The following ATP2B1 variants were observed in gnomAD, a reference collection of about 807,000 sequenced individuals.
The protein encoded by ATP2B1 is plasma membrane calcium-transporting ATPase 1.
A neutral mutation model predicts 124.2 loss-of-function variants in ATP2B1; 14 were observed. The observed-to-expected ratio is 0.11, with a 90% confidence interval of 0.07 to 0.18. The LOEUF (loss-of-function observed/expected upper bound fraction) is 0.18, where lower values mean the gene tolerates loss of function less well. Ranked by LOEUF, ATP2B1 falls within the 10% of genes least tolerant of loss-of-function variation. The pLI is 1.00. For synonymous variants in ATP2B1, 449 were observed against 492.4 expected (o/e 0.91, Z 1.17); for missense variants, 763 against 1,466.1 (o/e 0.52, Z 7.83).
At chr12:89,669,655 A>G (rs566376350) in intron 1 of ATP2B1, among the ~76,000 whole-genome samples, 1 of 152,214 alleles carries the variant, frequency 6.6e-6, no homozygotes, top group African/African-American at 2.4e-5. Context: ...AGGGCCTGGC[A>G]CTTAATAAAA....
In ATP2B1 at chr12:89,624,534, T is replaced by C. The variant is rs569021727; in HGVS notation, c.1130-137A>G. ...ATTTCTCTGAGAAATTACTTCTTTCTTGCACCTTATAACTTGACATTGTCA... is the reference window on the plus strand; with the variant it reads ...ATTTCTCTGAGAAATTACTTCTTTCCTGCACCTTATAACTTGACATTGTCA... On this transcript the variant is annotated intron_variant, in intron 8 of 20. Coordinates refer to ENST00000428670, the MANE Select transcript of ATP2B1 (RefSeq NM_001366521.1). 12 of 762,050 alleles carry C rather than the reference T, an allele frequency of 1.6e-5. No homozygotes were observed. In the African/African-American group the frequency reaches 1.6e-4, roughly 10 times the overall value. The allele number at this position is 762,050 out of a possible 1,614,324, so 47.2% of individuals were successfully genotyped here.
intron 19 of ATP2B1, 149 bp from the exon 20 acceptor site, chr12:89,599,448 C>G (rs1875360103): frequency 1.2e-6 from 1 of 837,200 alleles, no homozygotes; most frequent in Admixed American, 3.0e-5. Flanking sequence ...GTCTTTCTCT[C>G]CCAGAGCAAA....
chr12:89,624,839 A>T (rs1880570050), intron 8 of ATP2B1, among the ~76,000 whole-genome samples: 1 of 152,232 alleles, frequency 6.6e-6, no homozygotes, highest in Non-Finnish European at 1.5e-5. Flanking sequence ...AAATAACATT[A>T]TAATAAATAA....
chr12:89,592,683 TTTC>T (rs1330343978), intron 20 of ATP2B1, among the ~76,000 whole-genome samples: 1 of 152,010 alleles, frequency 6.6e-6, no homozygotes, highest in African/African-American at 2.4e-5. Context: ...GTCAAACAGG[TTTC>T]TTCAACTATA....
chr12:89,603,973 T>G lies in ATP2B1; in HGVS notation c.2635-48A>C, dbSNP rs1876362750. ...TAGACATTCACAACTACTCAGGGGC[T>G]CAGCAATTCTCAGGAAACCTTTAGG... On this transcript the variant is annotated intron_variant, in intron 16 of 20. Coordinates refer to ENST00000428670, the MANE Select transcript of ATP2B1 (RefSeq NM_001366521.1). This position sits in a 1 kb window ranked among gnomAD's most constrained non-coding sequence, Gnocchi z 4.3. The G allele has an allele frequency of 1.9e-6, 3 of 1,563,560 alleles. 1 individual carries two copies. In the African/African-American group the frequency reaches 4.1e-5, roughly 21 times the overall value.
intron 12 of ATP2B1, 143 bp downstream of exon 12, chr12:89,616,659 T>C: frequency 1.4e-6 from 1 of 706,192 alleles, no homozygotes; most frequent in Non-Finnish European, 2.4e-6. Flanking sequence ...GTAGGTACTA[T>C]TATTTCATTT....
At chr12:89,639,107 T>C (rs1003726624) in intron 3 of ATP2B1, among the ~76,000 whole-genome samples, 18 of 152,234 alleles carry the variant, frequency 1.2e-4, no homozygotes, top group Admixed American at 9.8e-4. Context: ...TAGATTTCTA[T>C]GACTGTAGAT....
At chr12:89,616,731 G>A (rs936033471) in intron 12 of ATP2B1, 71 bp downstream of exon 12, 4 of 1,396,346 alleles carry the variant, frequency 2.9e-6, no homozygotes, top group Non-Finnish European at 2.9e-6. Context: ...TAGAAAACTG[G>A]TTACAATTAA....
Position 89,630,499 on chromosome 12 carries a change from T to G in ATP2B1, c.928+6A>C, listed in dbSNP as rs754124265. ...AATACCAATTATAGAAAATTGTTAT[T>G]CTTACTTTTCTTTTCCTTTTTCTTC... On this transcript the variant is annotated splice_donor_region_variant and intron_variant, in intron 6 of 20. Coordinates refer to ENST00000428670, the MANE Select transcript of ATP2B1 (RefSeq NM_001366521.1). The G allele has an allele frequency of 3.7e-5, 58 of 1,557,070 alleles. No individual in the cohort carries two copies. The highest frequency in any genetic ancestry group is 4.5e-5 in the Non-Finnish European group (52 of 1,150,500).
Position 89,649,642 on chromosome 12 carries a change from G to C in ATP2B1, c.208+6037C>G, listed in dbSNP as rs1211751161. ...ATACTGGTATTAGTTAAAACTTTGG[G>C]ACACTGTTGAGAAAGCATGATTGTA... On this transcript the variant is annotated intron_variant, in intron 2 of 20. Coordinates refer to ENST00000428670, the MANE Select transcript of ATP2B1 (RefSeq NM_001366521.1). 2.0e-5 allele frequency among the ~76,000 whole-genome samples: 3 copies of C among 152,128 alleles called. No individual in the cohort carries two copies. The South Asian group carries it at 6.2e-4, about 32-fold the overall frequency.
chr12:89,651,676 A>T (rs1172307442), intron 2 of ATP2B1, among the ~76,000 whole-genome samples: 4 of 152,156 alleles, frequency 2.6e-5, no homozygotes, highest in African/African-American at 9.7e-5. Context: ...ATTACTATAG[A>T]GAAGAGGGAA....
chr12:89,663,375 G>T (rs1886925229), intron 1 of ATP2B1, among the ~76,000 whole-genome samples: 1 of 152,092 alleles, frequency 6.6e-6, no homozygotes, highest in African/African-American at 2.4e-5. Context: ...CAGGGTCTTA[G>T]ATTCTTGAGG....
At position 89,626,434 on chromosome 12, in the gene ATP2B1, T is replaced by A. The variant is rs376676492; in HGVS notation, c.1129+20A>T. The A allele has an allele frequency of 1.8e-5, 29 of 1,567,850 alleles. No homozygotes were observed. The highest frequency in any genetic ancestry group is 2.3e-5 in the Non-Finnish European group (27 of 1,162,754). Reference sequence around the variant, plus strand: ...GCATACTTAAAAATAAAACACTTTATTTTCTTCTCTATATCATACCTGCTT... The same window carrying A: ...GCATACTTAAAAATAAAACACTTTAATTTCTTCTCTATATCATACCTGCTT... On this transcript the variant is annotated intron_variant, in intron 8 of 20. Transcript: ENST00000428670.
chr12:89,621,527 T>C (rs1879968655), intron 10 of ATP2B1, 22 bp downstream of exon 10: 2 of 1,454,358 alleles, frequency 1.4e-6, no homozygotes, highest in Non-Finnish European at 1.9e-6. Flanking sequence ...TTAATTTTCA[T>C]AAATTATTTC....
chr12:89,646,454 A>T (rs568987767), intron 2 of ATP2B1, among the ~76,000 whole-genome samples: 11 of 152,296 alleles, frequency 7.2e-5, no homozygotes, highest in Middle Eastern at 3.4e-3. Flanking sequence ...CAAGGCACCT[A>T]AGAAGAAACA....
chr12:89,606,784 G>A (rs546526039), intron 15 of ATP2B1, among the ~76,000 whole-genome samples: 26 of 151,924 alleles, frequency 1.7e-4, no homozygotes, highest in African/African-American at 4.1e-4. Flanking sequence ...CCATGTTGGC[G>A]AGACTGGTCT....
At chr12:89,703,362 C>G (rs1042730379) in intron 1 of ATP2B1, among the ~76,000 whole-genome samples, 22 of 152,312 alleles carry the variant, frequency 1.4e-4, no homozygotes, top group African/African-American at 4.6e-4. Flanking sequence ...TGTTTTAATG[C>G]ATAAAATAGT....
At chr12:89,677,971 TAC>T (rs869199593) in intron 1 of ATP2B1, among the ~76,000 whole-genome samples, 11 of 52,320 alleles carry the variant, frequency 2.1e-4, no homozygotes, top group African/African-American at 2.8e-4. Context: ...TATATATATA[TAC>T]ACACACACAC....
At position 89,658,598 on chromosome 12, in the gene ATP2B1, G is replaced by GGAGAGAGAGAGAGAGA. The variant is rs67298800; in HGVS notation, c.-221-2507_-221-2492dup. Among the ~76,000 whole-genome samples, 535 of 69,542 alleles carry GGAGAGAGAGAGAGAGA rather than the reference G, an allele frequency of 7.7e-3. 41 individuals are homozygous for GGAGAGAGAGAGAGAGA. Among genetic ancestry groups the GGAGAGAGAGAGAGAGA allele is most frequent in the South Asian group, 0.014 (21 of 1,520 alleles). The allele number at this position is 69,542 out of a possible 152,430, so 45.6% of individuals were successfully genotyped here. ...AGAATTCAAACAGAGAATTCAAACAGGAGAGAGAGAGAGAGAGAGAGAGAG... is the reference window on the plus strand; with the variant it reads ...AGAATTCAAACAGAGAATTCAAACAGGAGAGAGAGAGAGAGAGAGAGAGAGAGAGAGAGAGAGAGAG... On this transcript the variant is annotated intron_variant, in intron 1 of 20. Coordinates refer to ENST00000428670, the MANE Select transcript of ATP2B1 (RefSeq NM_001366521.1).
Sources: allele counts gnomAD v4.1 joint callset (sites outside exome capture counted in the v4.1 genomes callset), GRCh38; gene constraint gnomAD v4.1.1; non-coding constraint Gnocchi (gnomAD v3.1); transcripts MANE v1.5; gene names NCBI Gene and HGNC (gene_info 2026-07-23, HGNC 2026-07-21).